Variants in CERS1 observed in about 807,000 individuals in gnomAD.
The protein encoded by CERS1 is ceramide synthase 1.
Under a neutral mutation model 35.7 loss-of-function variants are expected in CERS1, and 16 were observed. The observed-to-expected ratio is 0.45, with a 90% CI of 0.30 to 0.68. The LOEUF is 0.68. CERS1 is among the 30% of genes least tolerant of loss of function. The pLI is 0.08. For synonymous variants in CERS1, 243 were observed against 201.6 expected, an observed-to-expected ratio of 1.21 and a Z score of -1.74; for missense variants, 454 against 453.9, an observed-to-expected ratio of 1.00 and a Z score of 0.00.
chr19:18,868,639 C>A lies in CERS1; in HGVS notation c.*1346G>T. 1 of 1,574,720 alleles carries A rather than the reference C, an allele frequency of 6.4e-7. No homozygotes were observed. The highest frequency in any genetic ancestry group is 8.6e-7 in the Non-Finnish European group (1 of 1,160,292). ...CGTCCACCACCATGTCCTCATACTGCCGCAGCACCACGTTGTCGCTGTTGT... is the reference window on the plus strand; with the variant it reads ...CGTCCACCACCATGTCCTCATACTGACGCAGCACCACGTTGTCGCTGTTGT... On this transcript the variant is annotated 3_prime_UTR_variant, in exon 8 of 8. Transcript: ENST00000623882.
Position 18,879,362 on chromosome 19 carries a change from G to A in CERS1, c.779C>T (p.Pro260Leu), listed in dbSNP as rs759055660. ...ACTGGTGGCATACAGGACCTTGAGC[G>A]GGAACCAGTAGAGGCGGAACCAGAA... ...SWFWFRLYWF[P>L]LKVLYATSHC... Residue 260 changes from proline to leucine, a missense_variant, in exon 5 of 8, where the codon CCG becomes CTG. Pro to Leu is a moderately conservative substitution (Grantham distance 98). Coordinates refer to ENST00000623882, the MANE Select transcript of CERS1 (RefSeq NM_021267.5). 14 of 1,584,218 alleles carry A rather than the reference G, an allele frequency of 8.8e-6. No homozygotes were observed. Among genetic ancestry groups the A allele is most frequent in the African/African-American group, 2.7e-5 (2 of 74,302 alleles).
intron 2 of CERS1, among the ~76,000 whole-genome samples, chr19:18,887,431 G>A (rs1255324359): frequency 1.3e-5 from 2 of 152,172 alleles, no homozygotes; most frequent in Non-Finnish European, 2.9e-5. Flanking sequence ...AGACAGAGGG[G>A]GTGGTTGAAC....
rs1343857151 is a variant in CERS1 at position 18,884,275 on chromosome 19, G to C, written c.410-8C>G. The C allele has an allele frequency of 6.2e-7, 1 of 1,607,552 alleles. No individual in the cohort carries two copies. The highest frequency in any genetic ancestry group is 2.2e-5 in the East Asian group (1 of 44,712). On this transcript the variant is annotated splice_polypyrimidine_tract_variant and splice_region_variant and intron_variant, in intron 2 of 7. Transcript: ENST00000623882. ...CCATGCCCGGCGTCCAGTCTGGGGA[G>C]AGCCAAATCTCACAGTCAGGGCCCT...
At chr19:18,880,689 G>A (rs2056182919) in intron 3 of CERS1, among the ~76,000 whole-genome samples, 1 of 151,674 alleles carries the variant, frequency 6.6e-6, no homozygotes. Context: ...GTGGCCCAGG[G>A]AGCTCCCTGG....
rs1249969027 is a variant in CERS1 at position 18,870,488 on chromosome 19, T to C, written c.*89A>G. 1.7e-3 allele frequency: 499 copies of C among 299,206 alleles called. No homozygotes were observed. Among genetic ancestry groups the C allele is most frequent in the Non-Finnish European group, 2.5e-3 (436 of 172,732 alleles). 18.5% of individuals were successfully genotyped at this position (299,206 alleles called of 1,614,324 possible). A position where few individuals can be genotyped will look rare whatever the true frequency, so the allele number is the denominator to read the frequency against. On this transcript the variant is annotated 3_prime_UTR_variant, in exon 7 of 8. Transcript: ENST00000623882. This position sits in a 1 kb window ranked among gnomAD's most constrained non-coding sequence, Gnocchi z 5.1. ...TGGCGGCGGCCCTAGAGGAGCAGAG[T>C]TGGAGGGGGTGGAGGGGCGGCCAAG...
In CERS1 at chr19:18,870,579, A is replaced by AGAAGCGCTTGTCCTTCACCAG; in HGVS notation, c.1030_1050dup (p.Leu344_Phe350dup). 1.7e-6 allele frequency: 1 copy of AGAAGCGCTTGTCCTTCACCAG among 595,986 alleles called. No homozygotes were observed. The highest frequency in any genetic ancestry group is 3.0e-6 in the Non-Finnish European group (1 of 329,006). 36.9% of individuals were successfully genotyped at this position (595,986 alleles called of 1,614,324 possible). ...CCACGGGGGCGGGGCCGAGGGGTTC[A>AGAAGCGCTTGTCCTTCACCAG]GAAGCGCTTGTCCTTCACCAGGCCG... On this transcript the variant is annotated inframe_insertion, in exon 7 of 8. Coordinates refer to ENST00000623882, the MANE Select transcript of CERS1 (RefSeq NM_021267.5). The surrounding 1 kb of genome is among the most constrained non-coding windows in gnomAD (Gnocchi z 5.1).
intron 2 of CERS1, among the ~76,000 whole-genome samples, chr19:18,886,876 C>G (rs936606801): frequency 1.3e-5 from 2 of 152,254 alleles, no homozygotes; most frequent in Non-Finnish European, 2.9e-5. Context: ...ACCCCCACCC[C>G]AGTCCAGGCA....
chr19:18,894,086 C>T (rs2056564873), intron 1 of CERS1, among the ~76,000 whole-genome samples: 1 of 98,282 alleles, frequency 1.0e-5, no homozygotes, highest in Admixed American at 1.2e-4. Flanking sequence ...GAAGGTGTGG[C>T]GGGGACATGG....
intron 6 of CERS1, among the ~76,000 whole-genome samples, chr19:18,872,993 C>T (rs1310022889): frequency 6.6e-6 from 1 of 152,184 alleles, no homozygotes; most frequent in Non-Finnish European, 1.5e-5. Flanking sequence ...TTCTATCCAC[C>T]ACTGTGGTGA....
rs898808684 is a variant in CERS1 at position 18,870,932 on chromosome 19, A to G, written c.1011-313T>C. ...TCCAGGCCGCTGGAGGGCAAAACCC[A>G]CGTACCGGCCTGGGCCTGACAACTC... On this transcript the variant is annotated intron_variant, in intron 6 of 7. Coordinates refer to ENST00000623882, the MANE Select transcript of CERS1 (RefSeq NM_021267.5). This position sits in a 1 kb window ranked among gnomAD's most constrained non-coding sequence, Gnocchi z 5.1. 1.3e-5 allele frequency among the ~76,000 whole-genome samples: 2 copies of G among 151,020 alleles called. No individual in the cohort carries two copies. The highest frequency in any genetic ancestry group is 4.9e-5 in the African/African-American group (2 of 41,010).
At chr19:18,871,351 T>C (rs1453588966) in intron 6 of CERS1, among the ~76,000 whole-genome samples, 2 of 151,646 alleles carry the variant, frequency 1.3e-5, no homozygotes, top group Non-Finnish European at 2.9e-5. Context: ...CTCAGCCTCC[T>C]GAGTAGTGTG....
At chr19:18,892,040 C>T (rs918981766) in intron 2 of CERS1, among the ~76,000 whole-genome samples, 2 of 151,928 alleles carry the variant, frequency 1.3e-5, no homozygotes, top group Non-Finnish European at 2.9e-5. Flanking sequence ...ATTACAGGCA[C>T]GCGCCACCAT....
At chr19:18,893,291 C>T (rs1601191937) in intron 2 of CERS1, 125 bp downstream of exon 2, 2 of 1,082,594 alleles carry the variant, frequency 1.8e-6, no homozygotes, top group Admixed American at 5.0e-5. Flanking sequence ...CATAGCTCCC[C>T]TTGGCCTCCA....
chr19:18,878,466 A>C lies in CERS1; in HGVS notation c.1010+464T>G. On this transcript the variant is annotated intron_variant, in intron 6 of 7. Coordinates refer to ENST00000623882, the MANE Select transcript of CERS1 (RefSeq NM_021267.5). This position sits in a 1 kb window ranked among gnomAD's most constrained non-coding sequence, Gnocchi z 4.6. ...GGCAGTGGGCTCCCCTGTCAAACTC[A>C]GAGGCCAGGATGTCTCGGCCCAGAT... 2 of 990,848 alleles carry C rather than the reference A, an allele frequency of 2.0e-6. No homozygotes were observed. Among genetic ancestry groups the C allele is most frequent in the Non-Finnish European group, 1.2e-6 (1 of 832,944 alleles). The allele number at this position is 990,848 out of a possible 1,614,324, so 61.4% of individuals were successfully genotyped here. A position where few individuals can be genotyped will look rare whatever the true frequency, so the allele number is the denominator to read the frequency against.
chr19:18,893,777 G>A (rs943390938), intron 1 of CERS1, among the ~76,000 whole-genome samples: 13 of 152,190 alleles, frequency 8.5e-5, no homozygotes, highest in Admixed American at 2.0e-4. Flanking sequence ...CTGTCCGGCC[G>A]CCGCGGTGCT....
intron 2 of CERS1, among the ~76,000 whole-genome samples, chr19:18,887,571 CCT>C (rs1437008982): frequency 6.6e-6 from 1 of 151,896 alleles, no homozygotes; most frequent in Non-Finnish European, 1.5e-5. Flanking sequence ...ATGGCGAAAC[CCT>C]GTCTGTACTA....
chr19:18,874,838 GGAA>G (rs1306181438), intron 6 of CERS1, among the ~76,000 whole-genome samples: 6 of 152,330 alleles, frequency 3.9e-5, no homozygotes, highest in African/African-American at 1.2e-4. Flanking sequence ...GATGGGGTGA[GGAA>G]GAGATCAAGC....
Position 18,870,028 on chromosome 19 carries a change from C to G in CERS1, c.*549G>C. 1 of 1,597,372 alleles carries G rather than the reference C, an allele frequency of 6.3e-7. No homozygotes were observed. Among genetic ancestry groups the G allele is most frequent in the Non-Finnish European group, 8.5e-7 (1 of 1,174,434 alleles). ...ACGATGTTTCCGGCGACCCCCAGCT[C>G]CTCCACGTGGCACGGTTGCAGGGTG... On this transcript the variant is annotated 3_prime_UTR_variant, in exon 7 of 8. Transcript: ENST00000623882. This position sits in a 1 kb window ranked among gnomAD's most constrained non-coding sequence, Gnocchi z 5.1.
Position 18,878,153 on chromosome 19 carries a change from C to G in CERS1, c.1010+777G>C, listed in dbSNP as rs1365735962. 3.0e-6 allele frequency: 3 copies of G among 985,448 alleles called. No homozygotes were observed. The highest frequency in any genetic ancestry group is 3.6e-6 in the Non-Finnish European group (3 of 830,064). The allele number at this position is 985,448 out of a possible 1,614,324, so 61.0% of individuals were successfully genotyped here. ...GCCCCCACCGGCCAAATCAGAGGGC[C>G]TGGCTGGTCGGCACCTTCCAGGGCC... On this transcript the variant is annotated intron_variant, in intron 6 of 7. Coordinates refer to ENST00000623882, the MANE Select transcript of CERS1 (RefSeq NM_021267.5). This position sits in a 1 kb window ranked among gnomAD's most constrained non-coding sequence, Gnocchi z 4.6.
Sources: allele counts gnomAD v4.1 joint callset (sites outside exome capture counted in the v4.1 genomes callset), GRCh38; gene constraint gnomAD v4.1.1; non-coding constraint Gnocchi (gnomAD v3.1); transcripts MANE v1.5; gene names NCBI Gene and HGNC (gene_info 2026-07-23, HGNC 2026-07-21).